The following RYR2 variants were observed in gnomAD, a reference collection of about 807,000 sequenced individuals.
RYR2 encodes the protein cardiac muscle ryanodine receptor-calcium release channel.
RYR2 carries 227 observed loss-of-function variants against 601.1 expected under a neutral mutation model. That is an observed-to-expected ratio of 0.38 (90% CI 0.34 to 0.42). RYR2 has a LOEUF of 0.42. Among genes scored for constraint, RYR2 ranks in the 10% least tolerant of loss-of-function variants. RYR2 has a pLI of 1.00. For missense variants in RYR2, 4,646 were observed against 6,156.5 expected (o/e 0.75, Z 8.21); for synonymous variants, 2,223 against 2,175.1 (o/e 1.02, Z -0.61).
intron 24 of RYR2, among the ~76,000 whole-genome samples, chr1:237,519,185 T>G (rs994695703): frequency 6.6e-6 from 1 of 152,228 alleles, no homozygotes; most frequent in Non-Finnish European, 1.5e-5. Context: ...AGTAGTTTGA[T>G]GTCAGATGAA....
intron 1 of RYR2, among the ~76,000 whole-genome samples, chr1:237,126,602 C>G (rs984602107): frequency 6.6e-6 from 1 of 152,160 alleles, no homozygotes; most frequent in African/African-American, 2.4e-5. Context: ...AGACCTCCAT[C>G]TGGGTCTGAA....
intron 58 of RYR2, among the ~76,000 whole-genome samples, chr1:237,669,368 G>A (rs1208853712): frequency 1.3e-5 from 2 of 152,204 alleles, no homozygotes; most frequent in African/African-American, 2.4e-5. Flanking sequence ...TGTCATCATG[G>A]CCCGTTCTCA....
chr1:237,422,122 C>T (rs1705660819), intron 11 of RYR2, among the ~76,000 whole-genome samples: 1 of 152,126 alleles, frequency 6.6e-6, no homozygotes, highest in African/African-American at 2.4e-5. Flanking sequence ...CACTCTGCAC[C>T]TTAGCATGGT....
At chr1:237,204,221 C>G (rs115673165) in intron 1 of RYR2, among the ~76,000 whole-genome samples, 2,109 of 152,034 alleles carry the variant, frequency 0.014, 54 homozygotes, top group African/African-American at 0.048. Context: ...GTTGGTCAGG[C>G]TGATCTCGAA....
intron 16 of RYR2, among the ~76,000 whole-genome samples, chr1:237,461,072 A>G (rs573892221): frequency 6.6e-6 from 1 of 152,330 alleles, no homozygotes; most frequent in South Asian, 2.1e-4. Context: ...GGATTAGCCA[A>G]TAGAGCACAT....
intron 1 of RYR2, among the ~76,000 whole-genome samples, chr1:237,139,266 A>G (rs1673127043): frequency 6.6e-6 from 1 of 152,226 alleles, no homozygotes; most frequent in Admixed American, 6.5e-5. Context: ...CCTGAGTGAA[A>G]GAAACCAGTC....
intron 62 of RYR2, among the ~76,000 whole-genome samples, chr1:237,682,486 T>G (rs1685975995): frequency 6.6e-6 from 1 of 152,208 alleles, no homozygotes; most frequent in African/African-American, 2.4e-5. Flanking sequence ...TTACTAATTT[T>G]TTTAGATATG....
intron 58 of RYR2, among the ~76,000 whole-genome samples, chr1:237,668,752 A>G (rs920061572): frequency 8.5e-5 from 13 of 152,228 alleles, no homozygotes; most frequent in Non-Finnish European, 1.3e-4. Flanking sequence ...AAGTGGGGAT[A>G]TTTCATGGTG....
intron 10 of RYR2, among the ~76,000 whole-genome samples, chr1:237,401,199 T>C (rs1572154146): frequency 6.6e-6 from 1 of 152,184 alleles, no homozygotes; most frequent in South Asian, 2.1e-4. Context: ...ATTTTATATA[T>C]ACAATGTCTG....
At chr1:237,398,182 T>C (rs1703034678) in intron 10 of RYR2, among the ~76,000 whole-genome samples, 1 of 152,176 alleles carries the variant, frequency 6.6e-6, no homozygotes, top group Admixed American at 6.5e-5. Context: ...ACTCAGTTTT[T>C]CAGGTTTCTC....
chr1:237,789,417 T>TATTGTTTA (rs1658069525), intron 92 of RYR2, among the ~76,000 whole-genome samples: 1 of 151,990 alleles, frequency 6.6e-6, no homozygotes, highest in African/African-American at 2.4e-5. Flanking sequence ...ATTTTCCCTA[T>TATTGTTTA]ATTGTTTAAT....
chr1:237,303,595 C>A (rs1693586537), intron 2 of RYR2, among the ~76,000 whole-genome samples: 1 of 152,046 alleles, frequency 6.6e-6, no homozygotes, highest in Admixed American at 6.6e-5. Flanking sequence ...CCACTGCGCC[C>A]AGCTGGTTAT....
intron 35 of RYR2, among the ~76,000 whole-genome samples, chr1:237,608,334 C>T (rs1389555609): frequency 6.6e-6 from 1 of 152,116 alleles, no homozygotes; most frequent in Non-Finnish European, 1.5e-5. Flanking sequence ...ACTCATACAA[C>T]TCGGAGTAAA....
chr1:237,771,904 C>G (rs1573887105), intron 85 of RYR2, 108 bp from the exon 86 acceptor site: 6 of 677,324 alleles, frequency 8.9e-6, no homozygotes, highest in Non-Finnish European at 1.6e-5. Context: ...AAACACTGCA[C>G]TAACCCACAA....
intron 17 of RYR2, among the ~76,000 whole-genome samples, chr1:237,489,154 A>G (rs145165568): frequency 0.011 from 1,676 of 152,290 alleles, 33 homozygotes; most frequent in African/African-American, 0.039. Flanking sequence ...TCCAGAATCT[A>G]TAAGGAACTT....
chr1:237,600,485 A>C (rs1010302863), intron 34 of RYR2, among the ~76,000 whole-genome samples: 1 of 152,234 alleles, frequency 6.6e-6, no homozygotes, highest in Non-Finnish European at 1.5e-5. Flanking sequence ...AGGACCTTAA[A>C]CTATGAAAGT....
intron 1 of RYR2, among the ~76,000 whole-genome samples, chr1:237,187,027 G>A (rs924015176): frequency 3.9e-5 from 6 of 152,138 alleles, no homozygotes; most frequent in Non-Finnish European, 8.8e-5. Context: ...TGGAAGGGAG[G>A]TCAGCTTTTT....
At chr1:237,469,007 C>A in intron 16 of RYR2, 85 bp from the exon 17 acceptor site, 1 of 1,055,710 alleles carries the variant, frequency 9.5e-7, no homozygotes, top group Non-Finnish European at 1.4e-6. Flanking sequence ...GTTCTTGATC[C>A]AATATTTTAG....
At chr1:237,341,634 T>A in intron 3 of RYR2, 1 of 516,764 alleles carries the variant, frequency 1.9e-6, no homozygotes, top group South Asian at 1.4e-5. Context: ...CAATGCATGT[T>A]ATGTACTAGG....
Sources: gnomAD v4.1 joint callset for allele counts (sites outside exome capture counted in the v4.1 genomes callset) on GRCh38, gnomAD v4.1.1 for gene constraint, MANE v1.5 for transcripts, NCBI Gene and HGNC (gene_info 2026-07-23, HGNC 2026-07-21) for gene names.